Variants in SMARCA5 observed in about 807,000 individuals in gnomAD.
The protein encoded by SMARCA5 is SNF2 related chromatin remodeling ATPase 5, also known as SWI/SNF-related matrix-associated actin-dependent regulator of chromatin subfamily A member 5.
SMARCA5 carries 18 observed loss-of-function variants against 140.4 expected under a neutral mutation model. The observed-to-expected ratio is 0.13, with a 90% CI of 0.09 to 0.19. SMARCA5 has a LOEUF of 0.19. Among genes scored for constraint, SMARCA5 ranks in the 10% least tolerant of loss-of-function variants. The pLI is 1.00. For missense variants in SMARCA5, 606 were observed against 1,276.8 expected (o/e 0.47, Z 8.01); for synonymous variants, 449 against 419.6 (o/e 1.07, Z -0.86).
At chr4:143,526,192 CT>C in intron 5 of SMARCA5, 88 bp from the exon 6 acceptor site, 1 of 1,064,640 alleles carries the variant, frequency 9.4e-7, no homozygotes, top group Non-Finnish European at 1.4e-6. Flanking sequence ...TGTAGCATTT[CT>C]TTTGAACATT....
Position 143,553,186 on chromosome 4 carries a change from T to A in SMARCA5, c.*2T>A. 1 of 1,606,060 alleles carries A rather than the reference T, an allele frequency of 6.2e-7. No homozygotes were observed. Among genetic ancestry groups the A allele is most frequent in the Non-Finnish European group, 8.5e-7 (1 of 1,172,952 alleles). ...AGAAAAAAGAAGCTGAAACTATGAATATGTTTTTGTTTCATAATCACTAAC... is the reference window on the plus strand; with the variant it reads ...AGAAAAAAGAAGCTGAAACTATGAAAATGTTTTTGTTTCATAATCACTAAC... On this transcript the variant is annotated 3_prime_UTR_variant, in exon 24 of 24. Transcript: ENST00000283131.
chr4:143,520,789 T>A (rs1157964013), intron 2 of SMARCA5, among the ~76,000 whole-genome samples: 1 of 152,162 alleles, frequency 6.6e-6, no homozygotes, highest in Non-Finnish European at 1.5e-5. Context: ...TCTTCGAGGC[T>A]CTTAAGGTTT....
intron 18 of SMARCA5, 123 bp from the exon 19 acceptor site, chr4:143,545,802 C>T (rs1335361275): frequency 6.3e-6 from 6 of 959,040 alleles, no homozygotes; most frequent in East Asian, 2.4e-5. Flanking sequence ...TAACATAATA[C>T]ATGCAATGTA....
At chr4:143,540,921 T>G (rs540872527) in intron 14 of SMARCA5, among the ~76,000 whole-genome samples, 44 of 152,342 alleles carry the variant, frequency 2.9e-4, no homozygotes, top group Middle Eastern at 3.4e-3. Context: ...GAGCCTGATT[T>G]TATTCTTTTT....
intron 23 of SMARCA5, among the ~76,000 whole-genome samples, chr4:143,552,711 TTAA>T (rs992891118): frequency 1.3e-5 from 2 of 151,992 alleles, no homozygotes; most frequent in African/African-American, 2.4e-5. Flanking sequence ...AAAATGTTAT[TTAA>T]TAATAGTTAA....
chr4:143,523,721 C>T (rs1737010612), intron 3 of SMARCA5, among the ~76,000 whole-genome samples: 4 of 152,118 alleles, frequency 2.6e-5, no homozygotes, highest in African/African-American at 9.7e-5. Context: ...TCAGCGGTCT[C>T]AACAGAGGCA....
intron 1 of SMARCA5, chr4:143,514,590 C>CT (rs1309271570): frequency 1.3e-5 from 2 of 155,260 alleles, no homozygotes; most frequent in East Asian, 3.8e-4. Flanking sequence ...CTTCCCGGTC[C>CT]TTGCAGGGGC....
At chr4:143,535,216 G>A (rs1449747583) in intron 10 of SMARCA5, among the ~76,000 whole-genome samples, 3 of 152,128 alleles carry the variant, frequency 2.0e-5, no homozygotes, top group Non-Finnish European at 2.9e-5. Context: ...TTAATTAAAC[G>A]GGGTTCATAT....
At chr4:143,553,072 A>G (rs765285871) in intron 23 of SMARCA5, 47 bp from the exon 24 acceptor site, 2 of 1,391,980 alleles carry the variant, frequency 1.4e-6, no homozygotes, top group Non-Finnish European at 2.0e-6. Flanking sequence ...ACTATATTTC[A>G]TGTTTATATT....
intron 1 of SMARCA5, among the ~76,000 whole-genome samples, chr4:143,515,171 A>T (rs1736801931): frequency 6.6e-6 from 1 of 152,206 alleles, no homozygotes; most frequent in East Asian, 1.9e-4. Flanking sequence ...CAGAATCATT[A>T]TACAGTAAGA....
In SMARCA5 at chr4:143,546,758, G is replaced by T; in HGVS notation, c.2521-18G>T. Reference sequence around the variant, plus strand: ...TTAATGTGCTGTGATTAAATATTTTGTTTCTGTTCCTGTGAAGGGATTTAC... The same window carrying T: ...TTAATGTGCTGTGATTAAATATTTTTTTTCTGTTCCTGTGAAGGGATTTAC... On this transcript the variant is annotated intron_variant, in intron 19 of 23. Transcript: ENST00000283131. 6.3e-7 allele frequency: 1 copy of T among 1,597,156 alleles called. No homozygotes were observed. Among genetic ancestry groups the T allele is most frequent in the Non-Finnish European group, 8.5e-7 (1 of 1,170,954 alleles).
chr4:143,542,820 A>G (rs1253026640), intron 14 of SMARCA5, among the ~76,000 whole-genome samples: 1 of 152,194 alleles, frequency 6.6e-6, no homozygotes, highest in Non-Finnish European at 1.5e-5. Context: ...TCGATGATCC[A>G]GATACATTTT....
chr4:143,533,194 G>A (rs143405539), intron 9 of SMARCA5, among the ~76,000 whole-genome samples: 4 of 152,128 alleles, frequency 2.6e-5, no homozygotes, highest in Non-Finnish European at 4.4e-5. Context: ...GGTGCATATT[G>A]AGTGAGTCCA....
intron 23 of SMARCA5, among the ~76,000 whole-genome samples, chr4:143,551,697 G>C (rs1335797074): frequency 6.6e-6 from 1 of 151,972 alleles, no homozygotes. Flanking sequence ...TCAAAAATGA[G>C]TTCCATGTAG....
intron 14 of SMARCA5, among the ~76,000 whole-genome samples, chr4:143,541,936 C>T (rs1737436305): frequency 6.6e-6 from 1 of 151,930 alleles, no homozygotes; most frequent in Admixed American, 6.6e-5. Flanking sequence ...CGGCTCACTG[C>T]AACCTCCGCT....
At chr4:143,522,129 C>G (rs1282800055) in intron 3 of SMARCA5, among the ~76,000 whole-genome samples, 1 of 152,120 alleles carries the variant, frequency 6.6e-6, no homozygotes, top group Non-Finnish European at 1.5e-5. Context: ...CCATCACATA[C>G]AGATGTTGAC....
chr4:143,536,196 A>G (rs896051749), intron 10 of SMARCA5, among the ~76,000 whole-genome samples: 4 of 152,174 alleles, frequency 2.6e-5, no homozygotes, highest in African/African-American at 9.6e-5. Flanking sequence ...ACCCAAGGGA[A>G]CTGTTTTTGT....
chr4:143,530,075 G>A lies in SMARCA5; in HGVS notation c.1090-383G>A, dbSNP rs1430928537. ...AGTTTGATTAAAATTGACATTGTTCGTAAACTTGTATTTGAGTAGTGCGAA... is the reference window on the plus strand; with the variant it reads ...AGTTTGATTAAAATTGACATTGTTCATAAACTTGTATTTGAGTAGTGCGAA... On this transcript the variant is annotated intron_variant, in intron 8 of 23. Coordinates refer to ENST00000283131, the MANE Select transcript of SMARCA5 (RefSeq NM_003601.4). 2.0e-5 allele frequency among the ~76,000 whole-genome samples: 3 copies of A among 152,224 alleles called. No homozygotes were observed. In the East Asian group the frequency reaches 5.8e-4, roughly 29 times the overall value.
intron 23 of SMARCA5, among the ~76,000 whole-genome samples, 179 bp from the exon 24 acceptor site, chr4:143,552,939 GT>G (rs1737674566): frequency 6.0e-5 from 2 of 33,228 alleles, no homozygotes; most frequent in Admixed American, 6.4e-4. Flanking sequence ...AGTAAAATAA[GT>G]AGGTAAGATT....
Sources: allele counts gnomAD v4.1 joint callset (sites outside exome capture counted in the v4.1 genomes callset), GRCh38; gene constraint gnomAD v4.1.1; transcripts MANE v1.5; gene names NCBI Gene and HGNC (gene_info 2026-07-23, HGNC 2026-07-21).